The following TRMT11 variants were observed in gnomAD, a reference collection of about 807,000 sequenced individuals.
The protein encoded by TRMT11 is tRNA (guanine(10)-N(2))-methyltransferase TRMT11.
Under a neutral mutation model 62.8 loss-of-function variants are expected in TRMT11, and 53 were observed. The ratio of observed to expected loss-of-function variants is 0.84; its 90% CI spans 0.68 to 1.06. The LOEUF is 1.06. Among genes scored for constraint, TRMT11 ranks in the 50% least tolerant of loss-of-function variants. The pLI is 0.00. For missense variants in TRMT11, 556 were observed against 553.4 expected (o/e 1.00, Z -0.05); for synonymous variants, 188 against 190.3 (o/e 0.99, Z 0.10).
chr6:126,007,688 A>G (rs974224043), intron 7 of TRMT11, among the ~76,000 whole-genome samples: 1 of 151,968 alleles, frequency 6.6e-6, no homozygotes, highest in Non-Finnish European at 1.5e-5. Flanking sequence ...AGCTGGTCAC[A>G]TCTGTCACAT....
chr6:126,225,227 A>G, the TRMT11 span, among the ~76,000 whole-genome samples: 11 of 152,150 alleles, frequency 7.2e-5, no homozygotes, highest in Admixed American at 7.2e-4. Context: ...TCTTGTCCTT[A>G]ACAATTCTCC....
chr6:126,237,148 GT>G, the TRMT11 span, among the ~76,000 whole-genome samples: 1 of 151,924 alleles, frequency 6.6e-6, no homozygotes, highest in African/African-American at 2.4e-5. Context: ...AGCATCAATA[GT>G]TTGTGTTTCC....
intron 3 of TRMT11, 126 bp from the exon 4 acceptor site, chr6:125,997,927 T>G: frequency 1.5e-6 from 1 of 677,468 alleles, no homozygotes; most frequent in African/African-American, 1.8e-5. Context: ...AACCGATTCA[T>G]TTATACTTTG....
chr6:126,040,398 C>T (rs1179826534), downstream of TRMT11, among the ~76,000 whole-genome samples: 1 of 152,052 alleles, frequency 6.6e-6, no homozygotes. Flanking sequence ...TCACTAGGCT[C>T]AGAGTATAAT....
chr6:126,243,712 CA>C, the TRMT11 span, among the ~76,000 whole-genome samples: 1 of 152,084 alleles, frequency 6.6e-6, no homozygotes, highest in Admixed American at 6.5e-5. Flanking sequence ...CATATTCACT[CA>C]TAGGTGGGAA....
chr6:126,119,794 T>C (rs1294690188), intron 21 of TRMT11, among the ~76,000 whole-genome samples: 1 of 152,104 alleles, frequency 6.6e-6, no homozygotes, highest in African/African-American at 2.4e-5. Context: ...ATAAAGAACT[T>C]ACATATATTT....
intron 3 of TRMT11, among the ~76,000 whole-genome samples, chr6:125,996,408 A>G (rs1416892125): frequency 6.6e-6 from 1 of 152,236 alleles, no homozygotes; most frequent in African/African-American, 2.4e-5. Context: ...GGATGAGCAG[A>G]TTAGTGAAGT....
intron 1 of TRMT11, among the ~76,000 whole-genome samples, chr6:126,177,957 G>A (rs933458268): frequency 2.6e-5 from 4 of 151,962 alleles, no homozygotes; most frequent in African/African-American, 7.3e-5. Context: ...GTTGTTCCCT[G>A]TGCCTACTGC....
intron 1 of TRMT11, among the ~76,000 whole-genome samples, chr6:126,183,401 A>C (rs1029230522): frequency 3.3e-5 from 5 of 152,172 alleles, no homozygotes; most frequent in African/African-American, 1.2e-4. Context: ...AGGAGTGGGC[A>C]GAGGTGTTGG....
intron 17 of TRMT11, among the ~76,000 whole-genome samples, chr6:126,098,107 C>T (rs1777359514): frequency 6.6e-6 from 1 of 152,070 alleles, no homozygotes; most frequent in African/African-American, 2.4e-5. Context: ...AGAAGGCCAC[C>T]CTGGAGAAAA....
the TRMT11 span, among the ~76,000 whole-genome samples, chr6:126,242,638 C>T: frequency 1.3e-5 from 2 of 152,156 alleles, no homozygotes; most frequent in African/African-American, 4.8e-5. Context: ...CACACATCTA[C>T]AACTATCTGA....
chr6:126,251,600 T>A, the TRMT11 span, among the ~76,000 whole-genome samples: 1 of 152,154 alleles, frequency 6.6e-6, no homozygotes, highest in South Asian at 2.1e-4. Context: ...AGATTTTATA[T>A]CCTTTGACCA....
intron 11 of TRMT11, among the ~76,000 whole-genome samples, chr6:126,018,052 C>T (rs1301791482): frequency 6.6e-6 from 1 of 152,080 alleles, no homozygotes; most frequent in African/African-American, 2.4e-5. Flanking sequence ...TATAGAAATC[C>T]AGCTGCTAGT....
At chr6:126,171,844 G>A (rs1396224657) in intron 21 of TRMT11, among the ~76,000 whole-genome samples, 4 of 151,908 alleles carry the variant, frequency 2.6e-5, no homozygotes, top group Non-Finnish European at 4.4e-5. Flanking sequence ...TCAGCCTCCC[G>A]AGTACCTAGG....
At chr6:126,208,275 T>C (rs1308941343), downstream of TRMT11, among the ~76,000 whole-genome samples, 1 of 152,162 alleles carries the variant, frequency 6.6e-6, no homozygotes, top group Non-Finnish European at 1.5e-5. Flanking sequence ...CAAATCCTAT[T>C]CTTAGGAGAC....
rs5879799 is a variant in TRMT11 at position 126,061,540 on chromosome 6, ATT to A, written c.*1437+8369_*1437+8370del. On this transcript the variant is annotated intron_variant and NMD_transcript_variant, in intron 17 of 22. Transcript: ENST00000648977. The stretch of plus-strand genomic sequence containing the variant: ...CTCAGAATGAATTAAGGATCAGTCA[ATT>A]TTTTTTTTTTTTTTTTTTAGCTATT... Among the ~76,000 whole-genome samples, 700 of 135,396 alleles carry A rather than the reference ATT, an allele frequency of 5.2e-3. 7 individuals carry two copies. Among genetic ancestry groups the A allele is most frequent in the Admixed American group, 0.025 (340 of 13,724 alleles). 88.8% of individuals were successfully genotyped at this position (135,396 alleles called of 152,430 possible).
chr6:126,096,687 G>A (rs1036178219), intron 17 of TRMT11, among the ~76,000 whole-genome samples: 2 of 151,780 alleles, frequency 1.3e-5, no homozygotes, highest in African/African-American at 4.8e-5. Context: ...TGTATCCCCC[G>A]TAGTCCCTAG....
At chr6:126,118,313 C>A (rs1305360445) in intron 21 of TRMT11, among the ~76,000 whole-genome samples, 1 of 152,082 alleles carries the variant, frequency 6.6e-6, no homozygotes, top group Non-Finnish European at 1.5e-5. Context: ...CATTTCTAGT[C>A]ATTCAGGGGA....
the TRMT11 span, among the ~76,000 whole-genome samples, chr6:126,242,576 C>A: frequency 6.6e-6 from 1 of 152,066 alleles, no homozygotes; most frequent in African/African-American, 2.4e-5. Flanking sequence ...GTACTGGTAC[C>A]AAAACAGAGT....
Sources: gnomAD v4.1 joint callset for allele counts (sites outside exome capture counted in the v4.1 genomes callset) on GRCh38, gnomAD v4.1.1 for gene constraint, MANE v1.5 for transcripts, NCBI Gene and HGNC (gene_info 2026-07-23, HGNC 2026-07-21) for gene names.